GFAP: variants seen among roughly 807,000 people sequenced by gnomAD.
The protein encoded by GFAP is intermediate filament protein.
GFAP carries 38 observed loss-of-function variants against 49.3 expected under a neutral mutation model. The ratio of observed to expected loss-of-function variants is 0.77; its 90% CI spans 0.60 to 1.01. GFAP has a LOEUF of 1.01. Ranked by LOEUF, GFAP falls within the 50% of genes least tolerant of loss-of-function variation. The probability of loss-of-function intolerance (pLI) is 0.00; values close to 1 mark genes in which losing one functional copy is unlikely to be tolerated. For synonymous variants in GFAP, 222 were observed against 236.4 expected, an observed-to-expected ratio of 0.94 and a Z score of 0.56; for missense variants, 463 against 579.1, an observed-to-expected ratio of 0.80 and a Z score of 2.06.
In GFAP at chr17:44,903,489, T is replaced by A; in HGVS notation, c.*3858A>T. 7 of 1,275,110 alleles carry A rather than the reference T, an allele frequency of 5.5e-6. No homozygotes were observed. The highest frequency in any genetic ancestry group is 6.9e-6 in the Non-Finnish European group (7 of 1,013,758). The allele number at this position is 1,275,110 out of a possible 1,614,324, so 79.0% of individuals were successfully genotyped here. The stretch of plus-strand genomic sequence containing the variant: ...TGGAGCACTGAGGCAGAGATCTCCC[T>A]GCCCGAGCACCTCGGCCCGCCCTTC... On this transcript the variant is annotated 3_prime_UTR_variant, in exon 9 of 9. Transcript: ENST00000588735.
Position 44,909,048 on chromosome 17 carries a change from C to G in GFAP, c.1172-899G>C, listed in dbSNP as rs190527514. 975 of 152,252 alleles carry G rather than the reference C, an allele frequency of 6.4e-3. 5 individuals carry two copies. Among genetic ancestry groups the G allele is most frequent in the Non-Finnish European group, 0.011 (758 of 68,098 alleles). The allele number at this position is 152,252 out of a possible 1,614,324, so 9.4% of individuals were successfully genotyped here. On this transcript the variant is annotated intron_variant, in intron 7 of 8. Coordinates refer to ENST00000588735, the MANE Select transcript of GFAP (RefSeq NM_002055.5). ...CCTGGGAGGTGGAGGTTGCAGTGAG[C>G]CAAGATTGCACTACTGCATTCCAGC...
In GFAP at chr17:44,904,857, A is replaced by G. The variant is rs1274862747; in HGVS notation, c.*2490T>C. The G allele has an allele frequency of 6.4e-7, 1 of 1,550,482 alleles. No individual in the cohort carries two copies. The highest frequency in any genetic ancestry group is 2.0e-5 in the Admixed American group (1 of 50,982). On this transcript the variant is annotated 3_prime_UTR_variant, in exon 9 of 9. Coordinates refer to ENST00000588735, the MANE Select transcript of GFAP (RefSeq NM_002055.5). ...ACCCAGCTGGATGACCGGGGCATCT[A>G]CTATTGCTGGAGGCAGGGTGTGCTA...
Position 44,914,901 on chromosome 17 carries a change from A to G in GFAP, c.461+125T>C, listed in dbSNP as rs2051870220. On this transcript the variant is annotated intron_variant, in intron 1 of 8. Coordinates refer to ENST00000588735, the MANE Select transcript of GFAP (RefSeq NM_002055.5). ...TGTTGGGGGGCAAGGATAGTGCCCC[A>G]TCAAGAGGTAGGGAGGCCCAGGGAG... 4 of 797,592 alleles carry G rather than the reference A, an allele frequency of 5.0e-6. No homozygotes were observed. The South Asian group carries it at 6.3e-5, about 13-fold the overall frequency. 49.4% of individuals were successfully genotyped at this position (797,592 alleles called of 1,614,324 possible).
In GFAP at chr17:44,904,724, G is replaced by A; in HGVS notation, c.*2623C>T. 6.4e-7 allele frequency: 1 copy of A among 1,550,578 alleles called. No homozygotes were observed. Among genetic ancestry groups the A allele is most frequent in the South Asian group, 1.2e-5 (1 of 84,062 alleles). ...TGGGGCCCGGCCAGAGCATGCAGTGGCCTGGGACAAAGACCGCCAGCACCT... is the reference window on the plus strand; with the variant it reads ...TGGGGCCCGGCCAGAGCATGCAGTGACCTGGGACAAAGACCGCCAGCACCT... On this transcript the variant is annotated 3_prime_UTR_variant, in exon 9 of 9. Coordinates refer to ENST00000588735, the MANE Select transcript of GFAP (RefSeq NM_002055.5).
chr17:44,906,889 TC>T lies in GFAP; in HGVS notation c.*457del. The stretch of plus-strand genomic sequence containing the variant: ...TACCTTGTCTGTGGGGCCTTCCCTT[TC>T]CTGTCTGAGTCTCAGTTTTCCTCCA... On this transcript the variant is annotated 3_prime_UTR_variant, in exon 9 of 9. Transcript: ENST00000588735. 4.1e-6 allele frequency: 1 copy of T among 245,452 alleles called. No homozygotes were observed. The highest frequency in any genetic ancestry group is 8.2e-6 in the Non-Finnish European group (1 of 122,240). 15.2% of individuals were successfully genotyped at this position (245,452 alleles called of 1,614,324 possible). A position where few individuals can be genotyped will look rare whatever the true frequency, so the allele number is the denominator to read the frequency against.
In GFAP at chr17:44,914,620, C is replaced by T. The variant is rs114226788; in HGVS notation, c.461+406G>A. On this transcript the variant is annotated intron_variant, in intron 1 of 8. Coordinates refer to ENST00000588735, the MANE Select transcript of GFAP (RefSeq NM_002055.5). ...CCTGCTCTTTCCCTCACTTTCTTCA[C>T]CCCAGAATCCAATCTCCCTCATGGA... is the stretch of plus-strand genomic sequence containing the variant. 8.5e-4 allele frequency: 212 copies of T among 247,984 alleles called. 1 individual carries two copies. The highest frequency in any genetic ancestry group is 4.7e-3 in the African/African-American group (210 of 44,362). 15.4% of individuals were successfully genotyped at this position (247,984 alleles called of 1,614,324 possible).
chr17:44,911,548 C>G, intron 5 of GFAP, 92 bp from the exon 6 acceptor site: 2 of 1,558,608 alleles, frequency 1.3e-6, no homozygotes, highest in Non-Finnish European at 1.7e-6. Flanking sequence ...CCGCCTCTAG[C>G]CCGGGGGTAA....
At position 44,905,695 on chromosome 17, in the gene GFAP, TAGC is replaced by T. The variant is rs913727490; in HGVS notation, c.*1649_*1651del. 84 of 156,640 alleles carry T rather than the reference TAGC, an allele frequency of 5.4e-4. No homozygotes were observed. Among genetic ancestry groups the T allele is most frequent in the South Asian group, 9.9e-4 (5 of 5,068 alleles). The allele number at this position is 156,640 out of a possible 1,614,324, so 9.7% of individuals were successfully genotyped here. On this transcript the variant is annotated 3_prime_UTR_variant, in exon 9 of 9. Transcript: ENST00000588735. ...AAGGCAGCAGCAGTGCCCTGAAGAT[TAGC>T]AGCAGCAGCAGCAGCAGGTGGCAGG... is the stretch of plus-strand genomic sequence containing the variant.
In GFAP at chr17:44,915,074, T is replaced by C; in HGVS notation, c.413A>G (p.Glu138Gly). Residue 138 changes from glutamate (E) to glycine (G), a missense_variant, in exon 1 of 9, where the codon GAG becomes GGG. Coordinates refer to ENST00000588735, the MANE Select transcript of GFAP (RefSeq NM_002055.5). This position sits in a 1 kb window ranked among gnomAD's most constrained non-coding sequence, Gnocchi z 4.1. Reference protein sequence around the residue: ...DQLTANSARLEVERDNLAQDL... With the variant: ...DQLTANSARLGVERDNLAQDL... The stretch of plus-strand genomic sequence containing the variant: ...CTGTGCCAGATTGTCCCTCTCAACC[T>C]CCAGCCGGGCGCTGTTGGCGGTGAG... 1 of 1,613,136 alleles carries C rather than the reference T, an allele frequency of 6.2e-7. No individual in the cohort carries two copies. The highest frequency in any genetic ancestry group is 8.5e-7 in the Non-Finnish European group (1 of 1,179,978).
Position 44,903,184 on chromosome 17 carries a change from T to A in GFAP, c.*4163A>T. 7.9e-7 allele frequency: 1 copy of A among 1,270,604 alleles called. No homozygotes were observed. Among genetic ancestry groups the A allele is most frequent in the Non-Finnish European group, 9.9e-7 (1 of 1,010,782 alleles). The allele number at this position is 1,270,604 out of a possible 1,614,324, so 78.7% of individuals were successfully genotyped here. A position where few individuals can be genotyped will look rare whatever the true frequency, so the allele number is the denominator to read the frequency against. ...TAAAAGGGAAAAAGCAAAATCTTTA[T>A]GGTAAACAAACACTGATCTCCACAG... On this transcript the variant is annotated 3_prime_UTR_variant, in exon 9 of 9. Transcript: ENST00000588735.
chr17:44,911,420 C>T lies in GFAP; in HGVS notation c.943G>A (p.Glu315Lys), dbSNP rs143958696. The change falls in exon 6 of 9, where the codon GAG (glutamate) becomes AAG (lysine). Residue 315 changes from glutamate (E) to lysine (K), a missense_variant. This residue lies in a region of GFAP where 362 missense variants were observed against 445.5 expected (regional missense o/e 0.81). Transcript: ENST00000588735. ...SLERQMREQE[E>K]RHVREAASYQ... is the part of the protein sequence containing the mutation. ...CTGGCCGCCTCCCGCACGTGCCGCT[C>T]CTCCTGCTCGCGCATCTGCCTCTCC... is the stretch of plus-strand genomic sequence containing the variant. The T allele has an allele frequency of 3.1e-6, 5 of 1,612,152 alleles. No individual in the cohort carries two copies. The highest frequency in any genetic ancestry group is 4.2e-6 in the Non-Finnish European group (5 of 1,179,304).
chr17:44,907,660 C>A (rs2051673985), intron 8 of GFAP: 1 of 581,036 alleles, frequency 1.7e-6, no homozygotes, highest in Admixed American at 2.9e-5. Flanking sequence ...ACGCCAAATC[C>A]CCTCTTCCCA....
rs903896158 is a variant in GFAP at position 44,905,042 on chromosome 17, T to C, written c.*2305A>G. 5 of 1,547,578 alleles carry C rather than the reference T, an allele frequency of 3.2e-6. No homozygotes were observed. Among genetic ancestry groups the C allele is most frequent in the Middle Eastern group, 1.7e-4 (1 of 6,008 alleles). On this transcript the variant is annotated 3_prime_UTR_variant, in exon 9 of 9. Transcript: ENST00000588735. ...CTTCTGTCGTTGCTGCTGCTACTTATTTCACTGTTGTCCCAGCTTCTCCCC... is the reference window on the plus strand; with the variant it reads ...CTTCTGTCGTTGCTGCTGCTACTTACTTCACTGTTGTCCCAGCTTCTCCCC...
At chr17:44,907,921 T>C (rs779732520) in intron 8 of GFAP, 143 bp downstream of exon 8, 10 of 772,940 alleles carry the variant, frequency 1.3e-5, no homozygotes, top group Non-Finnish European at 2.4e-5. Flanking sequence ...TTCAGTTTCC[T>C]TGCTCTCCTC....
At chr17:44,914,938 G>A (rs753993886) in intron 1 of GFAP, 88 bp downstream of exon 1, 196 of 1,182,940 alleles carry the variant, frequency 1.7e-4, no homozygotes, top group Admixed American at 2.2e-4. Flanking sequence ...AGGGAGGTTC[G>A]GCCCCTCCCT....
In GFAP at chr17:44,904,956, C is replaced by T. The variant is rs555402721; in HGVS notation, c.*2391G>A. On this transcript the variant is annotated 3_prime_UTR_variant, in exon 9 of 9. Coordinates refer to ENST00000588735, the MANE Select transcript of GFAP (RefSeq NM_002055.5). ...TCGTTCTCAGATCCTGAGACTCGCT[C>T]GGCTGTGGAGCTCACCCTGATAGGC... 3,408 of 1,550,702 alleles carry T rather than the reference C, an allele frequency of 2.2e-3. 38 individuals are homozygous for T. Among genetic ancestry groups the T allele is most frequent in the South Asian group, 0.018 (1,478 of 84,056 alleles).
rs182660735 is a variant in GFAP, at chr17:44,903,507, C to T, written c.*3840G>A. ...ATCTCCCTGCCCGAGCACCTCGGCC[C>T]GCCCTTCTCATTCCGGTTTCCTTTG... On this transcript the variant is annotated 3_prime_UTR_variant, in exon 9 of 9. Transcript: ENST00000588735. The T allele has an allele frequency of 7.0e-6, 9 of 1,282,238 alleles. No individual in the cohort carries two copies. The highest frequency in any genetic ancestry group is 5.9e-4 in the Middle Eastern group (2 of 3,368). The allele number at this position is 1,282,238 out of a possible 1,614,324, so 79.4% of individuals were successfully genotyped here. A position where few individuals can be genotyped will look rare whatever the true frequency, so the allele number is the denominator to read the frequency against.
In GFAP at chr17:44,907,359, CT is replaced by C; in HGVS notation, c.1286del (p.Lys429ArgfsTer3). The C allele has an allele frequency of 1.2e-6, 2 of 1,613,924 alleles. No individual in the cohort carries two copies. The highest frequency in any genetic ancestry group is 1.7e-6 in the Non-Finnish European group (2 of 1,179,808). The stretch of plus-strand genomic sequence containing the variant: ...GGTGGGTCCTGCCTCACATCACATC[CT>C]TGTGCTCCTGCTTGGACTCCTTAAT... Reference protein sequence around the residue: ...EVIKESKQEHKDVM With the variant: ...EVIKESKQEHXDVM On this transcript the variant is annotated frameshift_variant, in exon 9 of 9. Coordinates refer to ENST00000588735, the MANE Select transcript of GFAP (RefSeq NM_002055.5). LOFTEE classifies it high-confidence loss of function.
At chr17:44,911,627 C>G (rs764943031) in intron 5 of GFAP, 45 bp downstream of exon 5, 6 of 1,603,672 alleles carry the variant, frequency 3.7e-6, no homozygotes, top group Non-Finnish European at 5.1e-6. Context: ...CCTGGGGTGG[C>G]CGTCCCTGCT....
Sources: allele counts gnomAD v4.1 joint callset, GRCh38; gene constraint gnomAD v4.1.1; regional missense constraint gnomAD v4.1.1; non-coding constraint Gnocchi (gnomAD v3.1); transcripts MANE v1.5; gene names NCBI Gene and HGNC (gene_info 2026-07-23, HGNC 2026-07-21).